ROPN1: variants seen among roughly 807,000 people sequenced by gnomAD.
ROPN1 encodes rhophilin associated tail protein 1.
A neutral mutation model predicts 20.5 loss-of-function variants in ROPN1; 14 were observed. The observed-to-expected ratio is 0.68, with a 90% confidence interval of 0.45 to 1.07. The LOEUF (loss-of-function observed/expected upper bound fraction) is 1.07. Among genes scored for constraint, ROPN1 ranks in the 50% least tolerant of loss-of-function variants. ROPN1 has a pLI of 0.00. For missense variants in ROPN1, 169 were observed against 242.8 expected (o/e 0.70, Z 2.02); for synonymous variants, 76 against 95.7 (o/e 0.79, Z 1.20).
intron 1 of ROPN1, chr3:123,981,473 G>A (rs561882766): frequency 6.5e-6 from 1 of 153,758 alleles, no homozygotes; most frequent in Non-Finnish European, 1.5e-5. Context: ...AAAGGCAAAT[G>A]TCTGGACTAA....
chr3:123,970,751 C>G (rs1245035783), intron 4 of ROPN1, among the ~76,000 whole-genome samples: 3 of 152,166 alleles, frequency 2.0e-5, no homozygotes, highest in Non-Finnish European at 4.4e-5. Flanking sequence ...AAACGTTCCT[C>G]TAAAGCATCT....
intron 2 of ROPN1, among the ~76,000 whole-genome samples, chr3:123,977,603 G>A (rs1202864840): frequency 1.3e-5 from 2 of 152,202 alleles, no homozygotes; most frequent in Non-Finnish European, 2.9e-5. Context: ...ATCAGGAAGG[G>A]TTTCTGGCTG....
intron 2 of ROPN1, among the ~76,000 whole-genome samples, chr3:123,978,454 A>G (rs535257643): frequency 6.6e-5 from 10 of 152,330 alleles, no homozygotes; most frequent in African/African-American, 2.4e-4. Flanking sequence ...GTTAGACAAC[A>G]TGGAAGCAAA....
intron 4 of ROPN1, among the ~76,000 whole-genome samples, chr3:123,971,023 G>A (rs561971215): frequency 1.3e-5 from 2 of 151,494 alleles, no homozygotes; most frequent in East Asian, 4.1e-4. Flanking sequence ...ACAGATCTTG[G>A]TGGTTTACTG....
At chr3:123,972,583 A>G (rs2037938283) in intron 4 of ROPN1, among the ~76,000 whole-genome samples, 1 of 152,216 alleles carries the variant, frequency 6.6e-6, no homozygotes, top group Non-Finnish European at 1.5e-5. Context: ...TGCTGAAGGG[A>G]GGAGGAATAC....
chr3:123,977,010 G>A (rs1284782762), intron 2 of ROPN1, 29 bp from the exon 3 acceptor site: 7 of 1,590,418 alleles, frequency 4.4e-6, no homozygotes, highest in Non-Finnish European at 6.0e-6. Flanking sequence ...GAGAGTAGGA[G>A]GATCCTATAC....
At chr3:123,973,774 G>A (rs1219758901) in intron 4 of ROPN1, among the ~76,000 whole-genome samples, 3 of 152,134 alleles carry the variant, frequency 2.0e-5, no homozygotes, top group African/African-American at 2.4e-5. Flanking sequence ...GGAGGCCCTC[G>A]ACACCATTGA....
intron 5 of ROPN1, among the ~76,000 whole-genome samples, chr3:123,969,831 CAGT>C (rs1399326593): frequency 6.6e-6 from 1 of 152,234 alleles, no homozygotes; most frequent in East Asian, 1.9e-4. Flanking sequence ...CTGCTAGTCT[CAGT>C]AGCACTGAAA....
At chr3:123,976,217 T>C (rs1478652062) in intron 3 of ROPN1, among the ~76,000 whole-genome samples, 1 of 152,218 alleles carries the variant, frequency 6.6e-6, no homozygotes, top group Non-Finnish European at 1.5e-5. Context: ...CTTTCCTGAC[T>C]GTCTGATTCT....
At chr3:123,987,084 A>G (rs1013889531) in intron 1 of ROPN1, among the ~76,000 whole-genome samples, 4 of 152,236 alleles carry the variant, frequency 2.6e-5, no homozygotes, top group African/African-American at 4.8e-5. Flanking sequence ...ATCCCTGGCC[A>G]TGCTGTACTA....
chr3:123,986,072 C>A (rs1379150949), intron 1 of ROPN1, among the ~76,000 whole-genome samples: 1 of 139,636 alleles, frequency 7.2e-6, no homozygotes, highest in Non-Finnish European at 1.5e-5. Context: ...TTGTGAAAAT[C>A]TAGAATTGTA....
At chr3:123,978,630 A>G (rs1386800996) in intron 2 of ROPN1, 1 of 153,722 alleles carries the variant, frequency 6.5e-6, no homozygotes, top group Non-Finnish European at 1.5e-5. Context: ...TTCATTGACA[A>G]CACATATGTA....
At chr3:123,987,751 CT>C in intron 1 of ROPN1, among the ~76,000 whole-genome samples, 1 of 152,276 alleles carries the variant, frequency 6.6e-6, no homozygotes, top group East Asian at 1.9e-4. Context: ...TGACCTTGTC[CT>C]TTTTTTGAGT....
chr3:123,989,986 A>G (rs1434752137), intron 1 of ROPN1, among the ~76,000 whole-genome samples: 8 of 152,170 alleles, frequency 5.3e-5, no homozygotes, highest in Admixed American at 5.2e-4. Flanking sequence ...CAATCCCATC[A>G]TTAACAATTC....
chr3:123,986,018 A>AAAAAAT (rs201340337), intron 1 of ROPN1, among the ~76,000 whole-genome samples: 38,843 of 92,400 alleles, frequency 0.42, 14,049 homozygotes, highest in Non-Finnish European at 0.54. Flanking sequence ...AAAAAAAAAA[A>AAAAAAT]TCAAAATATT....
In ROPN1 at chr3:123,980,454, T is replaced by G. The variant is rs752613222; in HGVS notation, c.28A>C (p.Ile10Leu). The change falls in exon 2 of 6, where the codon ATC becomes CTC. Residue 10 changes from isoleucine to leucine, a missense_variant. Coordinates refer to ENST00000405845, the MANE Select transcript of ROPN1 (RefSeq NM_001317774.2). MAQTDKPTC[I>L]PPELPKMLKE... ...AGCATCTTCGGCAGCTCCGGCGGGA[T>G]GCATGTTGGCTTATCTGTCTGAGCC... 1 of 1,614,070 alleles carries G rather than the reference T, an allele frequency of 6.2e-7. No homozygotes were observed. Among genetic ancestry groups the G allele is most frequent in the South Asian group, 1.1e-5 (1 of 91,086 alleles).
At chr3:123,983,018 T>C (rs1233933329) in intron 1 of ROPN1, among the ~76,000 whole-genome samples, 1 of 152,242 alleles carries the variant, frequency 6.6e-6, no homozygotes, top group Admixed American at 6.5e-5. Context: ...GGTTCATTCA[T>C]GTGGTAGCAT....
intron 3 of ROPN1, 130 bp downstream of exon 3, chr3:123,976,734 G>T: frequency 1.3e-6 from 1 of 792,820 alleles, no homozygotes; most frequent in Non-Finnish European, 2.0e-6. Context: ...TTCAGTCCAC[G>T]GTTTAGTGTA....
intron 2 of ROPN1, chr3:123,979,601 G>A: frequency 2.8e-6 from 1 of 363,134 alleles, no homozygotes; most frequent in Middle Eastern, 4.0e-4. Context: ...AGCGATTGTT[G>A]TGTAAGCTCC....
Sources: gnomAD v4.1 joint callset for allele counts (sites outside exome capture counted in the v4.1 genomes callset) on GRCh38, gnomAD v4.1.1 for gene constraint, MANE v1.5 for transcripts, NCBI Gene and HGNC (gene_info 2026-07-23, HGNC 2026-07-21) for gene names.